The following FRS2 variants were observed in gnomAD, a reference collection of about 807,000 sequenced individuals.
FRS2 encodes fibroblast growth factor receptor substrate 2, also known as FGFR signalling adaptor.
A neutral mutation model predicts 43.9 loss-of-function variants in FRS2; 8 were observed. The observed-to-expected ratio is 0.18, with a 90% CI of 0.11 to 0.33. The LOEUF is 0.33. Ranked by LOEUF, FRS2 falls within the 10% of genes least tolerant of loss-of-function variation. The probability of loss-of-function intolerance (pLI) is 1.00; values close to 1 mark genes in which losing one functional copy is unlikely to be tolerated. For missense variants in FRS2, 534 were observed against 627.6 expected, an observed-to-expected ratio of 0.85 and a Z score of 1.59; for synonymous variants, 219 against 220.3, an observed-to-expected ratio of 0.99 and a Z score of 0.05.
At chr12:69,550,025 G>A (rs1878736213) in intron 3 of FRS2, among the ~76,000 whole-genome samples, 1 of 152,074 alleles carries the variant, frequency 6.6e-6, no homozygotes, top group South Asian at 2.1e-4. Context: ...GTAAGTTGAT[G>A]GCTCCCAAAT....
At chr12:69,517,373 G>A (rs1875163209) in intron 1 of FRS2, among the ~76,000 whole-genome samples, 1 of 152,052 alleles carries the variant, frequency 6.6e-6, no homozygotes, top group African/African-American at 2.4e-5. Context: ...ATCTCATTAT[G>A]TATATGCAGA....
chr12:69,490,135 C>A lies in FRS2; in HGVS notation c.-261+19605C>A, dbSNP rs373493406. On this transcript the variant is annotated intron_variant, in intron 1 of 8. Coordinates refer to ENST00000549921, the MANE Select transcript of FRS2 (RefSeq NM_001278356.2). ...TCTTTATGTTACCGTTATGTATTTT[C>A]CCCATGTCAAGAATATGCTTTCTTG... Among the ~76,000 whole-genome samples, 3 of 151,998 alleles carry A rather than the reference C, an allele frequency of 2.0e-5. No individual in the cohort carries two copies. The South Asian group carries it at 6.2e-4, about 32-fold the overall frequency.
chr12:69,521,604 G>T (rs577946076), intron 1 of FRS2, among the ~76,000 whole-genome samples: 94 of 151,040 alleles, frequency 6.2e-4, no homozygotes, highest in Admixed American at 4.0e-3. Context: ...TGAGAGTTTT[G>T]TTTTTTGTTT....
chr12:69,482,949 A>G (rs922403220), intron 1 of FRS2, among the ~76,000 whole-genome samples: 9 of 152,160 alleles, frequency 5.9e-5, no homozygotes, highest in African/African-American at 2.2e-4. Context: ...TACATGTTAC[A>G]GGGCTCATTT....
rs1881337374 is a variant in FRS2 at position 69,578,448 on chromosome 12, A to G, written c.*3493A>G. 6.6e-6 allele frequency: 1 copy of G among 152,418 alleles called. No homozygotes were observed. Among genetic ancestry groups the G allele is most frequent in the Non-Finnish European group, 1.5e-5 (1 of 68,004 alleles). 9.4% of individuals were successfully genotyped at this position (152,418 alleles called of 1,614,324 possible). ...GACGTACCACAGTATACTCTGCCCA[A>G]ACCAGCACCCTATCTATCTTTCCTG... On this transcript the variant is annotated 3_prime_UTR_variant, in exon 9 of 9. Coordinates refer to ENST00000549921, the MANE Select transcript of FRS2 (RefSeq NM_001278356.2).
chr12:69,552,722 T>A (rs1878999885), intron 3 of FRS2, among the ~76,000 whole-genome samples: 1 of 152,090 alleles, frequency 6.6e-6, no homozygotes, highest in Admixed American at 6.5e-5. Context: ...TGCAACCCTG[T>A]CTCTACTAAA....
chr12:69,553,444 AT>A (rs1879078314), intron 3 of FRS2, among the ~76,000 whole-genome samples: 1 of 152,214 alleles, frequency 6.6e-6, no homozygotes, highest in South Asian at 2.1e-4. Context: ...GAAATTTCTT[AT>A]CAAAATGTAA....
intron 1 of FRS2, among the ~76,000 whole-genome samples, chr12:69,497,650 A>G (rs752532662): frequency 3.9e-5 from 6 of 152,364 alleles, no homozygotes; most frequent in Middle Eastern, 3.4e-3. Context: ...TGATAAGGAA[A>G]GGGCTTTCTC....
At chr12:69,487,400 T>C (rs1212587257) in intron 1 of FRS2, among the ~76,000 whole-genome samples, 1 of 152,246 alleles carries the variant, frequency 6.6e-6, no homozygotes, top group Non-Finnish European at 1.5e-5. Flanking sequence ...ATGGTAAATC[T>C]ACTCTGTGCT....
intron 8 of FRS2, among the ~76,000 whole-genome samples, chr12:69,573,319 A>G (rs1880920644): frequency 6.6e-6 from 1 of 152,150 alleles, no homozygotes; most frequent in South Asian, 2.1e-4. Flanking sequence ...CTCTTTTCAA[A>G]GTCGTTATTT....
intron 7 of FRS2, among the ~76,000 whole-genome samples, chr12:69,571,881 A>G: frequency 6.6e-6 from 1 of 152,130 alleles, no homozygotes; most frequent in Non-Finnish European, 1.5e-5. Flanking sequence ...AAACAAAACA[A>G]AACAGAACAA....
At position 69,572,269 on chromosome 12, in the gene FRS2, G is replaced by A; in HGVS notation, c.564G>A (p.Val188=). The A allele has an allele frequency of 6.2e-7, 1 of 1,613,298 alleles. No homozygotes were observed. The highest frequency in any genetic ancestry group is 1.1e-5 in the South Asian group (1 of 91,042). The change falls in exon 8 of 9, where the codon GTG becomes GTA. Residue 188 remains valine (V), a synonymous_variant. Transcript: ENST00000549921. ...VGEESTHPLL[V]AEEQVHTYVN... Reference sequence around the variant, plus strand: ...AAGAATCTACACATCCTTTGCTTGTGGCTGAGGAACAAGTAAGCATGTGCT... The same window carrying A: ...AAGAATCTACACATCCTTTGCTTGTAGCTGAGGAACAAGTAAGCATGTGCT...
intron 1 of FRS2, among the ~76,000 whole-genome samples, chr12:69,521,669 G>A (rs1488669852): frequency 6.6e-6 from 1 of 152,062 alleles, no homozygotes; most frequent in Non-Finnish European, 1.5e-5. Flanking sequence ...AGGCTGGAGT[G>A]CAGTGGTGCG....
chr12:69,537,455 G>A (rs1877424897), intron 3 of FRS2, among the ~76,000 whole-genome samples: 1 of 151,930 alleles, frequency 6.6e-6, no homozygotes, highest in African/African-American at 2.4e-5. Flanking sequence ...TTCTTGAAAG[G>A]TAGTTTCTCT....
At position 69,470,423 on chromosome 12, in the gene FRS2, G is replaced by C. The variant is rs1870141387; in HGVS notation, c.-368G>C. On this transcript the variant is annotated 5_prime_UTR_variant, in exon 1 of 9. Transcript: ENST00000549921. ...GCCGGAGAGAGGCCTTGTAGGCACA[G>C]CGGCTGAGACTCGATCTGCTCCAAG... is the stretch of plus-strand genomic sequence containing the variant. 1 of 398,526 alleles carries C rather than the reference G, an allele frequency of 2.5e-6. No individual in the cohort carries two copies. The highest frequency in any genetic ancestry group is 1.3e-4 in the South Asian group (1 of 7,860). The allele number at this position is 398,526 out of a possible 1,614,324, so 24.7% of individuals were successfully genotyped here.
intron 3 of FRS2, among the ~76,000 whole-genome samples, chr12:69,539,106 AC>A (rs1339735100): frequency 3.9e-5 from 6 of 151,968 alleles, no homozygotes; most frequent in African/African-American, 1.5e-4. Flanking sequence ...ACAGAGTCTC[AC>A]TCTGTTGCCC....
chr12:69,511,246 T>C (rs1874423586), intron 1 of FRS2, among the ~76,000 whole-genome samples: 1 of 152,210 alleles, frequency 6.6e-6, no homozygotes, highest in Non-Finnish European at 1.5e-5. Context: ...GAAACCTCCA[T>C]CATTCATTAA....
chr12:69,496,618 G>A (rs748969875), intron 1 of FRS2, among the ~76,000 whole-genome samples: 1 of 152,098 alleles, frequency 6.6e-6, no homozygotes, highest in Non-Finnish European at 1.5e-5. Context: ...TAAACCAAAC[G>A]CTTTCACTTA....
intron 1 of FRS2, among the ~76,000 whole-genome samples, chr12:69,514,460 A>T (rs1181099413): frequency 2.6e-5 from 4 of 152,176 alleles, no homozygotes; most frequent in Non-Finnish European, 5.9e-5. Context: ...CTACTCTGGG[A>T]TGCACATGTG....
Sources: allele counts gnomAD v4.1 joint callset (sites outside exome capture counted in the v4.1 genomes callset), GRCh38; gene constraint gnomAD v4.1.1; transcripts MANE v1.5; gene names NCBI Gene and HGNC (gene_info 2026-07-23, HGNC 2026-07-21).